Variants in HELZ observed in about 807,000 individuals in gnomAD.
The protein encoded by HELZ is ATP-dependent RNA helicase with zinc finger domain.
A neutral mutation model predicts 218.2 loss-of-function variants in HELZ; 23 were observed. The observed-to-expected ratio is 0.11, with a 90% CI of 0.08 to 0.15. The LOEUF is 0.15. HELZ is among the 10% of genes least tolerant of loss of function. The pLI is 1.00. For missense variants in HELZ, 1,813 were observed against 2,353.7 expected (o/e 0.77, Z 4.75); for synonymous variants, 814 against 829.4 (o/e 0.98, Z 0.32).
intron 11 of HELZ, among the ~76,000 whole-genome samples, chr17:67,189,112 C>T (rs931689868): frequency 1.3e-5 from 2 of 152,112 alleles, no homozygotes; most frequent in African/African-American, 4.8e-5. Context: ...TACTTTGCTT[C>T]GATCTTAAAC....
chr17:67,078,332 T>C lies in HELZ; in HGVS notation c.5749A>G (p.Ser1917Gly), dbSNP rs952953168. The C allele has an allele frequency of 2.3e-5, 37 of 1,613,972 alleles. No homozygotes were observed. The highest frequency in any genetic ancestry group is 1.7e-4 in the African/African-American group (13 of 74,938). ...RPPPEQAKKSSDPLSLFQELS... is the reference protein window; with the variant it reads ...RPPPEQAKKSGDPLSLFQELS... Reference sequence around the variant, plus strand: ...TCCTGGAAGAGAGACAGAGGGTCGCTACTCTTCTTGGCCTGCTCAGGAGGG... The same window carrying C: ...TCCTGGAAGAGAGACAGAGGGTCGCCACTCTTCTTGGCCTGCTCAGGAGGG... Residue 1917 changes from serine (S) to glycine (G), a missense_variant, in exon 33 of 33, where the codon AGC becomes GGC. Ser to Gly is a moderately conservative substitution (Grantham distance 56, BLOSUM62 0). Transcript: ENST00000358691.
chr17:67,148,463 G>A, intron 20 of HELZ, 106 bp downstream of exon 20: 2 of 878,622 alleles, frequency 2.3e-6, no homozygotes, highest in African/African-American at 1.7e-5. Flanking sequence ...GGGACACTAT[G>A]TAAGTGTGTT....
Position 67,161,147 on chromosome 17 carries a change from G to A in HELZ, c.1896-71C>T, listed in dbSNP as rs553798246. 42 of 1,108,602 alleles carry A rather than the reference G, an allele frequency of 3.8e-5. No homozygotes were observed. The African/African-American group carries it at 4.4e-4, about 12-fold the overall frequency. 68.7% of individuals were successfully genotyped at this position (1,108,602 alleles called of 1,614,324 possible). A position where few individuals can be genotyped will look rare whatever the true frequency, so the allele number is the denominator to read the frequency against. Reference sequence around the variant, plus strand: ...AAATAGAACATAACACACGAGTATCGTGAATTTCAGTGAACCATTAAAACC... The same window carrying A: ...AAATAGAACATAACACACGAGTATCATGAATTTCAGTGAACCATTAAAACC... On this transcript the variant is annotated intron_variant, in intron 15 of 32. Transcript: ENST00000358691.
chr17:67,114,461 T>A (rs769518571), intron 27 of HELZ, 58 bp from the exon 28 acceptor site: 1 of 970,556 alleles, frequency 1.0e-6, no homozygotes, highest in Admixed American at 1.9e-5. Context: ...ACACTTCCAA[T>A]GCTTATCCAA....
At chr17:67,164,449 C>A (rs2039079630) in intron 15 of HELZ, among the ~76,000 whole-genome samples, 3 of 152,082 alleles carry the variant, frequency 2.0e-5, no homozygotes, top group African/African-American at 7.2e-5. Flanking sequence ...GGAGGCAAGG[C>A]TGCAGGAAGG....
At chr17:67,086,631 A>AATATATAAATATATAT (rs1555594211) in intron 32 of HELZ, among the ~76,000 whole-genome samples, 198 bp downstream of exon 32, 1 of 93,318 alleles carries the variant, frequency 1.1e-5, no homozygotes, top group East Asian at 2.4e-4. Flanking sequence ...TATAAATATA[A>AATATATAAATATATAT]ATATATATAT....
intron 22 of HELZ, among the ~76,000 whole-genome samples, chr17:67,137,387 A>AT (rs953184835): frequency 2.0e-5 from 3 of 152,112 alleles, no homozygotes; most frequent in African/African-American, 7.2e-5. Context: ...CAGTAGAACT[A>AT]TTTTTTGCCC....
At chr17:67,171,197 G>A (rs139708469) in intron 13 of HELZ, among the ~76,000 whole-genome samples, 1 of 152,036 alleles carries the variant, frequency 6.6e-6, no homozygotes, top group African/African-American at 2.4e-5. Flanking sequence ...GCTCCAGCCT[G>A]CCTTCCTTCT....
intron 17 of HELZ, among the ~76,000 whole-genome samples, chr17:67,155,956 T>A (rs891917999): frequency 1.3e-5 from 2 of 149,354 alleles, no homozygotes; most frequent in South Asian, 2.1e-4. Flanking sequence ...TATACACATA[T>A]AATTTTTATT....
intron 31 of HELZ, among the ~76,000 whole-genome samples, chr17:67,089,647 T>TTATATATATATATATATATA (rs371659847): frequency 4.8e-4 from 26 of 54,258 alleles, no homozygotes; most frequent in South Asian, 4.4e-3. Context: ...ATTGGAGATT[T>TTATATATATATATATATATA]TATATATATA....
At chr17:67,147,681 T>C (rs6504488) in intron 20 of HELZ, among the ~76,000 whole-genome samples, 148,976 of 149,412 alleles carry the variant, frequency 1, 74,270 homozygotes, top group Middle Eastern at 1. Flanking sequence ...GGGGGGTCTT[T>C]CTATGTTGCT....
rs200205826 is a variant in HELZ, at chr17:67,184,816, T to TAAAC, written c.1162+3499_1162+3502dup. The stretch of plus-strand genomic sequence containing the variant: ...GGGCAACAGAGCAAGACTCTGTCTC[T>TAAAC]AAACAAATAAATAAATAAATAAATA... On this transcript the variant is annotated intron_variant, in intron 12 of 32. Transcript: ENST00000358691. 5.2e-3 allele frequency among the ~76,000 whole-genome samples: 737 copies of TAAAC among 143,002 alleles called. 3 individuals carry two copies. The highest frequency in any genetic ancestry group is 0.016 in the African/African-American group (577 of 36,570). 93.8% of individuals were successfully genotyped at this position (143,002 alleles called of 152,430 possible). A position where few individuals can be genotyped will look rare whatever the true frequency, so the allele number is the denominator to read the frequency against.
At position 67,108,801 on chromosome 17, in the gene HELZ, T is replaced by C. The variant is rs1008348550; in HGVS notation, c.4490-75A>G. ...CATTATTTAAAGTTTTTTACTAACA[T>C]ATTTTCTCCACAAAGACAAAGGACG... is the stretch of plus-strand genomic sequence containing the variant. On this transcript the variant is annotated intron_variant, in intron 29 of 32. Transcript: ENST00000358691. The surrounding 1 kb of genome is among the most constrained non-coding windows in gnomAD (Gnocchi z 4.1). 4.9e-5 allele frequency: 56 copies of C among 1,140,286 alleles called. No individual in the cohort carries two copies. The highest frequency in any genetic ancestry group is 6.7e-5 in the Non-Finnish European group (54 of 809,520). The allele number at this position is 1,140,286 out of a possible 1,614,324, so 70.6% of individuals were successfully genotyped here.
chr17:67,205,529 C>T (rs1163096512), intron 5 of HELZ, among the ~76,000 whole-genome samples: 1 of 152,146 alleles, frequency 6.6e-6, no homozygotes, highest in African/African-American at 2.4e-5. Context: ...TTACCTTCCC[C>T]TTCTAAAAAT....
At chr17:67,136,293 A>G in intron 22 of HELZ, 95 bp from the exon 23 acceptor site, 1 of 813,042 alleles carries the variant, frequency 1.2e-6, no homozygotes, top group Non-Finnish European at 1.9e-6. Context: ...TTATTGCTAA[A>G]TAACAAACAT....
chr17:67,165,740 A>C (rs1180430807), intron 15 of HELZ, among the ~76,000 whole-genome samples: 1 of 152,224 alleles, frequency 6.6e-6, no homozygotes, highest in African/African-American at 2.4e-5. Flanking sequence ...TAAGCAGAAC[A>C]ATATTTATAC....
rs184131703 is a variant in HELZ at position 67,241,312 on chromosome 17, T to A, written c.-75-1823A>T. On this transcript the variant is annotated intron_variant, in intron 2 of 32. Coordinates refer to ENST00000358691, the MANE Select transcript of HELZ (RefSeq NM_014877.4). ...GATACACCTGGCCCGAAATCTTCTA[T>A]ACATTTGAAACAACAGGCAAAGGTC... Among the ~76,000 whole-genome samples the A allele has an allele frequency of 1.9e-3, 283 of 152,366 alleles. 1 individual carries two copies. Among genetic ancestry groups the A allele is most frequent in the African/African-American group, 6.6e-3 (274 of 41,588 alleles).
intron 23 of HELZ, among the ~76,000 whole-genome samples, 180 bp from the exon 24 acceptor site, chr17:67,129,035 T>C (rs991809385): frequency 6.6e-6 from 1 of 152,188 alleles, no homozygotes; most frequent in Non-Finnish European, 1.5e-5. Context: ...AGTTTGATTT[T>C]GAAACTACAG....
chr17:67,096,406 A>C (rs1567796315), intron 31 of HELZ, among the ~76,000 whole-genome samples: 1 of 152,182 alleles, frequency 6.6e-6, no homozygotes, highest in African/African-American at 2.4e-5. Flanking sequence ...CCAGGTATTG[A>C]CTTCTTCCTC....
Sources: allele counts gnomAD v4.1 joint callset (sites outside exome capture counted in the v4.1 genomes callset), GRCh38; gene constraint gnomAD v4.1.1; non-coding constraint Gnocchi (gnomAD v3.1); transcripts MANE v1.5; gene names NCBI Gene and HGNC (gene_info 2026-07-23, HGNC 2026-07-21).